Variants in ARPP21 observed in about 807,000 individuals in gnomAD.
ARPP21 encodes the protein cAMP regulated phosphoprotein 21, also known as cAMP-regulated phosphoprotein 21.
In ARPP21, 69 loss-of-function variants were observed where a neutral mutation model predicts 113.2. The ratio of observed to expected loss-of-function variants is 0.61; its 90% confidence interval spans 0.50 to 0.74. The LOEUF (loss-of-function observed/expected upper bound fraction) is 0.74. ARPP21 is among the 30% of genes least tolerant of loss of function. The pLI is 0.00. For synonymous variants in ARPP21, 368 were observed against 375.5 expected (o/e 0.98, Z 0.23); for missense variants, 1,070 against 1,037.4 (o/e 1.03, Z -0.43).
At chr3:35,700,887 G>A (rs574324778) in intron 9 of ARPP21, among the ~76,000 whole-genome samples, 3 of 151,636 alleles carry the variant, frequency 2.0e-5, no homozygotes, top group East Asian at 2.0e-4. Flanking sequence ...GCAGTGGGGG[G>A]CTGGGGGAGG....
chr3:35,690,601 T>C (rs757353836), intron 8 of ARPP21, among the ~76,000 whole-genome samples: 11 of 151,598 alleles, frequency 7.3e-5, no homozygotes, highest in Non-Finnish European at 1.6e-4. Context: ...TGGACTAAAA[T>C]ACAATACTGT....
At chr3:35,674,453 GT>G (rs199719963) in intron 1 of ARPP21, among the ~76,000 whole-genome samples, 8 of 150,860 alleles carry the variant, frequency 5.3e-5, no homozygotes, top group African/African-American at 1.7e-4. Flanking sequence ...TTAAGGAGAT[GT>G]TTTTTTTTGA....
intron 15 of ARPP21, among the ~76,000 whole-genome samples, chr3:35,732,173 G>T (rs534261460): frequency 6.6e-6 from 1 of 152,122 alleles, no homozygotes; most frequent in East Asian, 1.9e-4. Context: ...AATAAGACAA[G>T]TAATGATTTA....
intron 9 of ARPP21, among the ~76,000 whole-genome samples, chr3:35,703,284 A>G (rs555593234): frequency 1.3e-5 from 2 of 152,044 alleles, no homozygotes; most frequent in East Asian, 1.9e-4. Flanking sequence ...CAAGGGGGAA[A>G]AAACTAAAAC....
At chr3:35,691,523 A>C (rs2149651769) in intron 9 of ARPP21, among the ~76,000 whole-genome samples, 1 of 151,744 alleles carries the variant, frequency 6.6e-6, no homozygotes, top group East Asian at 2.0e-4. Context: ...AAGTCATTTA[A>C]AATCTGCCAT....
chr3:35,718,021 C>G (rs1055537082), intron 13 of ARPP21, among the ~76,000 whole-genome samples: 6 of 152,084 alleles, frequency 3.9e-5, no homozygotes, highest in African/African-American at 1.4e-4. Flanking sequence ...TAAGTATACT[C>G]AGTATCCAAT....
intron 3 of ARPP21, among the ~76,000 whole-genome samples, chr3:35,682,217 A>G (rs1382227793): frequency 6.6e-6 from 1 of 151,844 alleles, no homozygotes; most frequent in Non-Finnish European, 1.5e-5. Context: ...TGAATTTGCT[A>G]TTCTGTGGAA....
intron 13 of ARPP21, among the ~76,000 whole-genome samples, chr3:35,719,188 G>T (rs958666123): frequency 3.3e-5 from 5 of 151,694 alleles, no homozygotes; most frequent in Non-Finnish European, 5.9e-5. Flanking sequence ...AAACAGATTT[G>T]GAATTCAATA....
At chr3:35,698,738 C>T (rs2085058473) in intron 9 of ARPP21, among the ~76,000 whole-genome samples, 1 of 151,670 alleles carries the variant, frequency 6.6e-6, no homozygotes, top group Non-Finnish European at 1.5e-5. Context: ...AAACCAAGCA[C>T]TGTTCTTTAA....
chr3:35,791,175 G>A (rs1214151702), intron 19 of ARPP21, among the ~76,000 whole-genome samples: 1 of 152,054 alleles, frequency 6.6e-6, no homozygotes, highest in African/African-American at 2.4e-5. Context: ...AATATAATGT[G>A]GTCCTTCTTT....
At chr3:35,685,076 A>G in intron 5 of ARPP21, 1 of 985,370 alleles carries the variant, frequency 1.0e-6, no homozygotes, top group Non-Finnish European at 1.2e-6. Flanking sequence ...GCAGAATGAC[A>G]GACCCTGGGA....
chr3:35,709,825 C>A (rs7636725), intron 11 of ARPP21, among the ~76,000 whole-genome samples: 72,740 of 152,054 alleles, frequency 0.48, 18,238 homozygotes, highest in East Asian at 0.79. Flanking sequence ...CCCCCTGCGT[C>A]AGTAGAAGTG....
chr3:35,708,453 G>A (rs1332461133), intron 10 of ARPP21, among the ~76,000 whole-genome samples: 1 of 152,168 alleles, frequency 6.6e-6, no homozygotes, highest in East Asian at 1.9e-4. Flanking sequence ...ACACAAATTA[G>A]AAGATGAAGA....
At chr3:35,644,993 G>A (rs183938726) in intron 1 of ARPP21, among the ~76,000 whole-genome samples, 75 of 151,892 alleles carry the variant, frequency 4.9e-4, no homozygotes, top group Non-Finnish European at 9.7e-4. Flanking sequence ...TTGTAATTGC[G>A]ACATTAAAAT....
rs1212749887 is a variant in ARPP21 at position 35,640,206 on chromosome 3, A to C, written c.-405A>C. ...AGAAAGCTCCTTTTACTAGCAGTTA[A>C]ATAAATCGACCAAAAACAAAACAAA... On this transcript the variant is annotated 5_prime_UTR_variant, in exon 1 of 21. Coordinates refer to ENST00000684406, the MANE Select transcript of ARPP21 (RefSeq NM_001385562.1). 6.6e-6 allele frequency: 1 copy of C among 152,276 alleles called. No homozygotes were observed. The highest frequency in any genetic ancestry group is 2.4e-5 in the African/African-American group (1 of 41,392). The allele number at this position is 152,276 out of a possible 1,614,324, so 9.4% of individuals were successfully genotyped here.
At chr3:35,671,683 G>C (rs558224378) in intron 1 of ARPP21, among the ~76,000 whole-genome samples, 2 of 151,978 alleles carry the variant, frequency 1.3e-5, no homozygotes, top group Non-Finnish European at 2.9e-5. Flanking sequence ...TTCCTCCTAA[G>C]GGGAAAAATG....
At chr3:35,652,549 T>C (rs548535000) in intron 1 of ARPP21, among the ~76,000 whole-genome samples, 4 of 152,212 alleles carry the variant, frequency 2.6e-5, no homozygotes, top group South Asian at 4.1e-4. Flanking sequence ...ATTGATTGGA[T>C]CCTTAGGCTT....
chr3:35,792,842 T>C (rs2096773051), intron 20 of ARPP21, among the ~76,000 whole-genome samples: 1 of 152,230 alleles, frequency 6.6e-6, no homozygotes, highest in Non-Finnish European at 1.5e-5. Context: ...TTTTGCTTAT[T>C]GGTAGAAAGT....
At chr3:35,750,996 A>G (rs2095383290) in intron 19 of ARPP21, among the ~76,000 whole-genome samples, 1 of 152,146 alleles carries the variant, frequency 6.6e-6, no homozygotes, top group South Asian at 2.1e-4. Flanking sequence ...TAGGTAGAGG[A>G]GTGATGAAGT....
Sources: gnomAD v4.1 joint callset for allele counts (sites outside exome capture counted in the v4.1 genomes callset) on GRCh38, gnomAD v4.1.1 for gene constraint, MANE v1.5 for transcripts, NCBI Gene and HGNC (gene_info 2026-07-23, HGNC 2026-07-21) for gene names.